Variants in ACAD9 observed in about 807,000 individuals in gnomAD.
ACAD9 encodes acyl-CoA dehydrogenase family member 9.
Under a neutral mutation model 70.2 loss-of-function variants are expected in ACAD9, and 53 were observed. The ratio of observed to expected loss-of-function variants is 0.75; its 90% CI spans 0.61 to 0.95. ACAD9 has a LOEUF of 0.95. Ranked by LOEUF, ACAD9 falls within the 40% of genes least tolerant of loss-of-function variation. The probability of loss-of-function intolerance (pLI) is 0.00; values close to 1 mark genes in which losing one functional copy is unlikely to be tolerated. For synonymous variants in ACAD9, 313 were observed against 312.1 expected (o/e 1.00, Z -0.03); for missense variants, 777 against 802.8 (o/e 0.97, Z 0.39).
chr3:128,892,221 T>C (rs1935441056), intron 2 of ACAD9, among the ~76,000 whole-genome samples: 1 of 152,198 alleles, frequency 6.6e-6, no homozygotes, highest in Non-Finnish European at 1.5e-5. Flanking sequence ...CTGACAAATA[T>C]GTCAGAACTC....
intron 2 of ACAD9, among the ~76,000 whole-genome samples, chr3:128,888,160 C>T (rs1252590649): frequency 1.3e-5 from 2 of 152,208 alleles, no homozygotes; most frequent in Admixed American, 6.5e-5. Context: ...AAAGGCCGTA[C>T]ATAAATTCTG....
At chr3:128,895,497 T>A in intron 4 of ACAD9, 81 bp downstream of exon 4, 2 of 1,325,750 alleles carry the variant, frequency 1.5e-6, no homozygotes, top group South Asian at 2.5e-5. Flanking sequence ...AGAGGCTTGC[T>A]CCCTCTGAAT....
Position 128,884,223 on chromosome 3 carries a change from G to T in ACAD9, c.151-430G>T, listed in dbSNP as rs141191076. ...ACTATCTTCCACGATTCTCACAAGG[G>T]CCTTGAGTAAATATTACCTGCATGT... On this transcript the variant is annotated intron_variant, in intron 1 of 17. Transcript: ENST00000308982. 4.7e-4 allele frequency among the ~76,000 whole-genome samples: 72 copies of T among 152,306 alleles called. 1 individual carries two copies. Among genetic ancestry groups the T allele is most frequent in the African/African-American group, 1.6e-3 (66 of 41,566 alleles).
At chr3:128,896,937 C>T (rs954310016) in intron 5 of ACAD9, among the ~76,000 whole-genome samples, 8 of 152,104 alleles carry the variant, frequency 5.3e-5, no homozygotes, top group South Asian at 2.1e-4. Context: ...CGGCAGCACT[C>T]GGGACTCTGA....
At chr3:128,909,576 G>A (rs1936051893) in intron 15 of ACAD9, 155 bp downstream of exon 15, 1 of 812,118 alleles carries the variant, frequency 1.2e-6, no homozygotes. Flanking sequence ...GGCTGACTTT[G>A]TCAGCCTGGG....
intron 1 of ACAD9, among the ~76,000 whole-genome samples, chr3:128,883,607 C>T (rs957601757): frequency 3.3e-5 from 5 of 151,986 alleles, no homozygotes; most frequent in Admixed American, 6.6e-5. Context: ...CCGCCCGCCT[C>T]GGCCTCCCAA....
At chr3:128,891,484 G>A (rs1935419791) in intron 2 of ACAD9, among the ~76,000 whole-genome samples, 1 of 152,156 alleles carries the variant, frequency 6.6e-6, no homozygotes. Flanking sequence ...AGCCAGATAT[G>A]GTGGTGTGCA....
rs572066618 is a variant in ACAD9 at position 128,903,512 on chromosome 3, A to G, written c.959-550A>G. On this transcript the variant is annotated intron_variant, in intron 9 of 17. Transcript: ENST00000308982. Reference sequence around the variant, plus strand: ...GGGAGAGCCTGTGGAGGACATGGCTATGGCGGGGCGGGGGTGCTTCTGCCT... The same window carrying G: ...GGGAGAGCCTGTGGAGGACATGGCTGTGGCGGGGCGGGGGTGCTTCTGCCT... Among the ~76,000 whole-genome samples, 13 of 152,240 alleles carry G rather than the reference A, an allele frequency of 8.5e-5. 1 individual carries two copies. Among genetic ancestry groups the G allele is most frequent in the Admixed American group, 7.2e-4 (11 of 15,294 alleles).
rs1351609722 is a variant in ACAD9, at chr3:128,879,846, C to A, written c.150+5C>A. ...TTCCTAGGCAAAATCAAGAAGGTAACGCGAGCCCTGGGCGAACCCTTGCTG... is the reference window on the plus strand; with the variant it reads ...TTCCTAGGCAAAATCAAGAAGGTAAAGCGAGCCCTGGGCGAACCCTTGCTG... On this transcript the variant is annotated splice_donor_5th_base_variant and intron_variant, in intron 1 of 17. Coordinates refer to ENST00000308982, the MANE Select transcript of ACAD9 (RefSeq NM_014049.5). The A allele has an allele frequency of 6.2e-7, 1 of 1,613,988 alleles. No homozygotes were observed. The highest frequency in any genetic ancestry group is 1.7e-5 in the Admixed American group (1 of 60,032).
At chr3:128,898,239 C>T (rs1178487560) in intron 6 of ACAD9, among the ~76,000 whole-genome samples, 1 of 152,170 alleles carries the variant, frequency 6.6e-6, no homozygotes, top group East Asian at 1.9e-4. Context: ...CTAACTCCGG[C>T]AGTCACCTGC....
intron 2 of ACAD9, among the ~76,000 whole-genome samples, chr3:128,886,977 G>C (rs1041025241): frequency 1.3e-5 from 2 of 151,944 alleles, no homozygotes; most frequent in Admixed American, 1.3e-4. Context: ...TGTCACCCAG[G>C]CTGGAGTGCA....
intron 1 of ACAD9, among the ~76,000 whole-genome samples, chr3:128,880,332 G>C (rs976653604): frequency 6.6e-6 from 1 of 152,206 alleles, no homozygotes; most frequent in South Asian, 2.1e-4. Flanking sequence ...CCAGCCAATA[G>C]TAACAGTTTG....
chr3:128,908,320 C>G (rs1935966041), intron 13 of ACAD9, 56 bp downstream of exon 13: 9 of 1,588,494 alleles, frequency 5.7e-6, no homozygotes, highest in Admixed American at 1.7e-5. Flanking sequence ...CAGCAGGGGC[C>G]AGTCCAGGGC....
At chr3:128,906,582 C>G (rs1349938972) in intron 12 of ACAD9, among the ~76,000 whole-genome samples, 4 of 152,216 alleles carry the variant, frequency 2.6e-5, no homozygotes, top group Non-Finnish European at 5.9e-5. Flanking sequence ...CCTCCAGAGG[C>G]AGCCAGAGTT....
chr3:128,901,691 A>C (rs1220284810), intron 8 of ACAD9, among the ~76,000 whole-genome samples: 1 of 152,002 alleles, frequency 6.6e-6, no homozygotes, highest in Non-Finnish European at 1.5e-5. Flanking sequence ...TCGCTGCCCT[A>C]CTCTTTTCTT....
rs751698306 is a variant in ACAD9 at position 128,898,566 on chromosome 3, T to A, written c.634-721T>A. 2.5e-4 allele frequency: 83 copies of A among 335,918 alleles called. 2 individuals carry two copies. The highest frequency in any genetic ancestry group is 1.8e-3 in the South Asian group (83 of 45,524). 20.8% of individuals were successfully genotyped at this position (335,918 alleles called of 1,614,324 possible). A position where few individuals can be genotyped will look rare whatever the true frequency, so the allele number is the denominator to read the frequency against. On this transcript the variant is annotated intron_variant, in intron 6 of 17. Transcript: ENST00000308982. ...GAGTACAGGCACACAGCTAACTCTT[T>A]GTATTTTTTTTTTGGTAGAGATGGG...
chr3:128,884,584 T>C, intron 1 of ACAD9, 69 bp from the exon 2 acceptor site: 1 of 1,184,868 alleles, frequency 8.4e-7, no homozygotes, highest in Non-Finnish European at 1.2e-6. Context: ...TCCTTCCCTT[T>C]TAACTGATAT....
At chr3:128,898,719 C>A (rs929546583) in intron 6 of ACAD9, among the ~76,000 whole-genome samples, 2 of 152,186 alleles carry the variant, frequency 1.3e-5, no homozygotes, top group Non-Finnish European at 2.9e-5. Flanking sequence ...TTACTTCTAT[C>A]AGCATTCAAA....
rs560340443 is a variant in ACAD9 at position 128,902,991 on chromosome 3, A to G, written c.958+363A>G. Among the ~76,000 whole-genome samples, 1 of 152,140 alleles carries G rather than the reference A, an allele frequency of 6.6e-6. No homozygotes were observed. Among genetic ancestry groups the G allele is most frequent in the Non-Finnish European group, 1.5e-5 (1 of 67,994 alleles). ...ACACACCAAGAACCAGGCTTCCAGG[A>G]TACACGGCCTCTGGTTCCCAAGGTC... On this transcript the variant is annotated intron_variant, in intron 9 of 17. Transcript: ENST00000308982. This position sits in a 1 kb window ranked among gnomAD's most constrained non-coding sequence, Gnocchi z 4.0.
Sources: gnomAD v4.1 joint callset for allele counts (sites outside exome capture counted in the v4.1 genomes callset) on GRCh38, gnomAD v4.1.1 for gene constraint, Gnocchi (gnomAD v3.1) non-coding constraint, MANE v1.5 for transcripts, NCBI Gene and HGNC (gene_info 2026-07-23, HGNC 2026-07-21) for gene names.